ZC3HAV1: variants seen among roughly 807,000 people sequenced by gnomAD.
ZC3HAV1 encodes zinc finger CCCH-type antiviral protein 1.
Under a neutral mutation model 86.6 loss-of-function variants are expected in ZC3HAV1, and 41 were observed. The ratio of observed to expected loss-of-function variants is 0.47; its 90% CI spans 0.37 to 0.61. The LOEUF is 0.61. Among genes scored for constraint, ZC3HAV1 ranks in the 20% least tolerant of loss-of-function variants. ZC3HAV1 has a pLI of 0.00. For synonymous variants in ZC3HAV1, 421 were observed against 432.1 expected (o/e 0.97, Z 0.32); for missense variants, 964 against 1,141.1 (o/e 0.84, Z 2.24).
intron 2 of ZC3HAV1, among the ~76,000 whole-genome samples, chr7:139,086,652 T>C (rs754283390): frequency 1.3e-5 from 2 of 152,166 alleles, no homozygotes; most frequent in Non-Finnish European, 2.9e-5. Flanking sequence ...CACCCAAATC[T>C]CATCTTGAAT....
intron 7 of ZC3HAV1, among the ~76,000 whole-genome samples, chr7:139,071,365 G>C (rs1157557537): frequency 2.6e-5 from 4 of 152,146 alleles, no homozygotes; most frequent in Non-Finnish European, 4.4e-5. Flanking sequence ...GCCTCCCAAA[G>C]TGCTGGGATT....
At chr7:139,093,768 G>A (rs983302581) in intron 1 of ZC3HAV1, among the ~76,000 whole-genome samples, 6 of 152,160 alleles carry the variant, frequency 3.9e-5, no homozygotes, top group Admixed American at 6.5e-5. Flanking sequence ...AAACAGCCTT[G>A]TTGCTCACAC....
At chr7:139,074,772 T>C (rs1816886039) in intron 6 of ZC3HAV1, among the ~76,000 whole-genome samples, 2 of 152,104 alleles carry the variant, frequency 1.3e-5, no homozygotes, top group Admixed American at 1.3e-4. Flanking sequence ...ACATGAAACA[T>C]GTTCATTATG....
rs1249645814 is a variant in ZC3HAV1 at position 139,079,533 on chromosome 7, G to A, written c.1408C>T (p.Arg470Ter). The A allele has an allele frequency of 6.2e-7, 1 of 1,614,168 alleles. No individual in the cohort carries two copies. Among genetic ancestry groups the A allele is most frequent in the African/African-American group, 1.3e-5 (1 of 75,040 alleles). The change falls in exon 4 of 13, where the codon CGA becomes TGA. Residue 470 changes from arginine (R) to a stop codon, truncating the protein, a stop_gained. Transcript: ENST00000242351. LOFTEE classifies it high-confidence loss of function. Reference protein sequence around the residue: ...PRIQDAGPASRDVQATGRIAD... With the variant: ...PRIQDAGPAS ...ATTCTGCCAGTGGCCTGGACATCTC[G>A]GGAAGCAGGTCCAGCATCCTGAATC...
At chr7:139,063,673 G>A (rs1401921924) in intron 8 of ZC3HAV1, among the ~76,000 whole-genome samples, 6 of 148,758 alleles carry the variant, frequency 4.0e-5, no homozygotes, top group South Asian at 2.1e-4. Flanking sequence ...GCAGTGAGCC[G>A]TGATGGCATC....
intron 3 of ZC3HAV1, among the ~76,000 whole-genome samples, chr7:139,082,280 G>GA (rs1218689762): frequency 4.4e-5 from 6 of 135,744 alleles, no homozygotes; most frequent in South Asian, 2.3e-4. Flanking sequence ...AAACAGGAAA[G>GA]AAAAAAAAAA....
Position 139,096,434 on chromosome 7 carries a change from A to G in ZC3HAV1, c.309-6675T>C, listed in dbSNP as rs77289829. Reference sequence around the variant, plus strand: ...CATAAGTCCCTCTGAAAGTTAACAAATATTAACCAGAGAGAGATTAATTAA... The same window carrying G: ...CATAAGTCCCTCTGAAAGTTAACAAGTATTAACCAGAGAGAGATTAATTAA... On this transcript the variant is annotated intron_variant, in intron 1 of 12. Transcript: ENST00000242351. Among the ~76,000 whole-genome samples, 896 of 152,322 alleles carry G rather than the reference A, an allele frequency of 5.9e-3. 11 individuals are homozygous for G. The highest frequency in any genetic ancestry group is 7.6e-3 in the Non-Finnish European group (515 of 68,030).
At position 139,108,052 on chromosome 7, in the gene ZC3HAV1, G is replaced by A. The variant is rs1196136950; in HGVS notation, c.308+972C>T. Among the ~76,000 whole-genome samples, 1 of 152,122 alleles carries A rather than the reference G, an allele frequency of 6.6e-6. No individual in the cohort carries two copies. The highest frequency in any genetic ancestry group is 1.5e-5 in the Non-Finnish European group (1 of 68,014). ...AGATTGTGAGGAGGATTAAAACCCTGCCTGGGGGAAAAGATGAGTTTGACT... is the reference window on the plus strand; with the variant it reads ...AGATTGTGAGGAGGATTAAAACCCTACCTGGGGGAAAAGATGAGTTTGACT... On this transcript the variant is annotated intron_variant, in intron 1 of 12. Coordinates refer to ENST00000242351, the MANE Select transcript of ZC3HAV1 (RefSeq NM_020119.4). The surrounding 1 kb of genome is among the most constrained non-coding windows in gnomAD (Gnocchi z 4.2).
intron 2 of ZC3HAV1, among the ~76,000 whole-genome samples, chr7:139,085,411 T>G (rs1330015132): frequency 6.6e-6 from 1 of 152,254 alleles, no homozygotes; most frequent in Non-Finnish European, 1.5e-5. Context: ...CAGGTTTGCC[T>G]GATCTTTTTA....
chr7:139,073,110 A>G (rs572451351), intron 7 of ZC3HAV1, among the ~76,000 whole-genome samples: 1 of 152,218 alleles, frequency 6.6e-6, no homozygotes, highest in Non-Finnish European at 1.5e-5. Flanking sequence ...AGCCTGTCCA[A>G]CATGTTGAAA....
intron 9 of ZC3HAV1, 82 bp from the exon 10 acceptor site, chr7:139,055,377 G>A (rs1816254822): frequency 1.8e-6 from 2 of 1,129,000 alleles, no homozygotes; most frequent in African/African-American, 1.5e-5. Context: ...CAGCCACTAG[G>A]CCAAGGATGC....
At chr7:139,088,874 G>A (rs963233703) in intron 2 of ZC3HAV1, among the ~76,000 whole-genome samples, 1 of 152,036 alleles carries the variant, frequency 6.6e-6, no homozygotes, top group African/African-American at 2.4e-5. Context: ...AGGCCAAGGT[G>A]GGCAGATCAC....
chr7:139,090,262 T>C (rs927868276), intron 1 of ZC3HAV1, among the ~76,000 whole-genome samples: 1 of 152,166 alleles, frequency 6.6e-6, no homozygotes, highest in Non-Finnish European at 1.5e-5. Flanking sequence ...TTAACAGTAA[T>C]TTTTCATATC....
At chr7:139,086,336 C>A (rs539550587) in intron 2 of ZC3HAV1, among the ~76,000 whole-genome samples, 1 of 152,166 alleles carries the variant, frequency 6.6e-6, no homozygotes, top group Admixed American at 6.5e-5. Context: ...TTAACTCTGA[C>A]GAGTGGAAAA....
rs10261597 is a variant in ZC3HAV1 at position 139,055,070 on chromosome 7, C to A, written c.2187+135G>T. On this transcript the variant is annotated intron_variant, in intron 10 of 12. Transcript: ENST00000242351. ...CTCCCAAAATGCTAGGATTACAGGG[C>A]TGAGCCACTGCACCCAGCCGATCTA... 2,829 of 737,666 alleles carry A rather than the reference C, an allele frequency of 3.8e-3. 80 individuals are homozygous for A. In the African/African-American group the frequency reaches 0.045, roughly 12 times the overall value. The allele number at this position is 737,666 out of a possible 1,614,324, so 45.7% of individuals were successfully genotyped here.
At position 139,092,138 on chromosome 7, in the gene ZC3HAV1, AG is replaced by A. The variant is rs537892301; in HGVS notation, c.309-2380del. ...GTGCAGGGGCTTTAAGACTATTACA[AG>A]GTGATAGATGCGGGACTTTGGGCGT... On this transcript the variant is annotated intron_variant, in intron 1 of 12. Coordinates refer to ENST00000242351, the MANE Select transcript of ZC3HAV1 (RefSeq NM_020119.4). Among the ~76,000 whole-genome samples, 182 of 151,976 alleles carry A rather than the reference AG, an allele frequency of 1.2e-3. 1 individual carries two copies. The highest frequency in any genetic ancestry group is 4.2e-3 in the African/African-American group (176 of 41,558).
intron 7 of ZC3HAV1, among the ~76,000 whole-genome samples, chr7:139,073,035 TC>T (rs1816826520): frequency 6.6e-6 from 1 of 152,126 alleles, no homozygotes; most frequent in Non-Finnish European, 1.5e-5. Flanking sequence ...GTGGCTCACG[TC>T]TGTAATCTCA....
chr7:139,055,117 A>G, intron 10 of ZC3HAV1, 88 bp downstream of exon 10: 1 of 1,192,276 alleles, frequency 8.4e-7, no homozygotes, highest in South Asian at 1.4e-5. Flanking sequence ...GGAGCAATTC[A>G]TTCATCCAGA....
At chr7:139,095,099 A>G (rs1393450958) in intron 1 of ZC3HAV1, among the ~76,000 whole-genome samples, 1 of 151,326 alleles carries the variant, frequency 6.6e-6, no homozygotes, top group Non-Finnish European at 1.5e-5. Flanking sequence ...GTTGATTTGT[A>G]TAGAAAACAG....
Sources: allele counts gnomAD v4.1 joint callset (sites outside exome capture counted in the v4.1 genomes callset), GRCh38; gene constraint gnomAD v4.1.1; non-coding constraint Gnocchi (gnomAD v3.1); transcripts MANE v1.5; gene names NCBI Gene and HGNC (gene_info 2026-07-23, HGNC 2026-07-21).